ZBTB7C: variants seen among roughly 807,000 people sequenced by gnomAD.
The protein encoded by ZBTB7C is zinc finger and BTB domain-containing protein 7C.
A neutral mutation model predicts 25.7 loss-of-function variants in ZBTB7C; 8 were observed. The observed-to-expected ratio is 0.31, with a 90% CI of 0.18 to 0.56. ZBTB7C has a LOEUF of 0.56. ZBTB7C is among the 20% of genes least tolerant of loss of function. The pLI is 0.91. For missense variants in ZBTB7C, 824 were observed against 855.2 expected (o/e 0.96, Z 0.46); for synonymous variants, 394 against 369.0 (o/e 1.07, Z -0.78).
chr18:48,161,230 C>G (rs549003778), intron 3 of ZBTB7C, among the ~76,000 whole-genome samples: 1 of 151,090 alleles, frequency 6.6e-6, no homozygotes, highest in Non-Finnish European at 1.5e-5. Flanking sequence ...GCCTGGGGGA[C>G]GGGGGCAGGG....
intron 3 of ZBTB7C, among the ~76,000 whole-genome samples, chr18:48,118,171 A>G (rs1225827525): frequency 6.6e-6 from 1 of 151,720 alleles, no homozygotes; most frequent in Non-Finnish European, 1.5e-5. Context: ...ACGCTTGGCT[A>G]ATTTTTGTAT....
At chr18:48,358,295 T>C (rs1598946898) in intron 1 of ZBTB7C, among the ~76,000 whole-genome samples, 1 of 152,074 alleles carries the variant, frequency 6.6e-6, no homozygotes, top group Non-Finnish European at 1.5e-5. Context: ...GAGGTTGCAA[T>C]GGGCTGAGAT....
chr18:48,034,749 C>T (rs1175698137), intron 4 of ZBTB7C, among the ~76,000 whole-genome samples: 3 of 152,210 alleles, frequency 2.0e-5, no homozygotes, highest in Admixed American at 6.5e-5. Context: ...TCTGCCATCT[C>T]GTTCCATCTC....
chr18:48,053,045 C>T (rs1299065149), intron 3 of ZBTB7C, among the ~76,000 whole-genome samples: 1 of 152,170 alleles, frequency 6.6e-6, no homozygotes, highest in Non-Finnish European at 1.5e-5. Context: ...ACACGTTGGA[C>T]TTTCAGATGA....
At chr18:48,180,136 C>CTTCT (rs1391273622) in intron 3 of ZBTB7C, among the ~76,000 whole-genome samples, 1 of 136,848 alleles carries the variant, frequency 7.3e-6, no homozygotes, top group East Asian at 2.3e-4. Flanking sequence ...TCCTTCCTTC[C>CTTCT]TTCCTTCCTT....
At chr18:48,029,974 G>A in intron 4 of ZBTB7C, 63 bp from the exon 5 acceptor site, 1 of 1,598,106 alleles carries the variant, frequency 6.3e-7, no homozygotes, top group Non-Finnish European at 8.5e-7. Context: ...CTAACCTTTT[G>A]CTCCCCCTTT....
intron 3 of ZBTB7C, among the ~76,000 whole-genome samples, chr18:48,122,438 G>A (rs2039661866): frequency 1.3e-5 from 2 of 152,134 alleles, no homozygotes; most frequent in Admixed American, 1.3e-4. Context: ...GAGGGAGGTG[G>A]AGGGCAGAGA....
intron 4 of ZBTB7C, among the ~76,000 whole-genome samples, chr18:48,034,143 C>G (rs1434181731): frequency 6.6e-6 from 1 of 152,188 alleles, no homozygotes; most frequent in Non-Finnish European, 1.5e-5. Flanking sequence ...GAATGGAGGT[C>G]TGGCAGTTCC....
intron 1 of ZBTB7C, among the ~76,000 whole-genome samples, chr18:48,385,741 G>A (rs530702561): frequency 2.5e-4 from 38 of 152,128 alleles, no homozygotes; most frequent in Non-Finnish European, 4.4e-4. Context: ...GGAAACCCTC[G>A]ATATTTGCCG....
At chr18:48,185,174 G>C (rs1348449049) in intron 3 of ZBTB7C, 1 of 309,192 alleles carries the variant, frequency 3.2e-6, no homozygotes, top group Non-Finnish European at 6.3e-6. Context: ...CCTCCACATA[G>C]GCATCCACCC....
intron 3 of ZBTB7C, among the ~76,000 whole-genome samples, chr18:48,063,615 A>G (rs1568187699): frequency 1.3e-5 from 2 of 152,252 alleles, no homozygotes; most frequent in Admixed American, 1.3e-4. Flanking sequence ...AGGTGACAGT[A>G]TGTGTTATAG....
chr18:48,201,368 G>A lies in ZBTB7C; in HGVS notation c.-78-15373C>T, dbSNP rs187881801. Among the ~76,000 whole-genome samples the A allele has an allele frequency of 2.0e-5, 3 of 152,316 alleles. No individual in the cohort carries two copies. The East Asian group carries it at 5.8e-4, about 29-fold the overall frequency. On this transcript the variant is annotated intron_variant, in intron 2 of 4. Coordinates refer to ENST00000590800, the MANE Select transcript of ZBTB7C (RefSeq NM_001318841.2). ...AGGATGTAAATCCAGGGGACGGTAG[G>A]CCCCAGGAGGGGATTCTTTGTATCT...
chr18:48,237,238 C>T (rs745716676), intron 2 of ZBTB7C, among the ~76,000 whole-genome samples: 18 of 152,094 alleles, frequency 1.2e-4, no homozygotes, highest in Non-Finnish European at 2.5e-4. Context: ...CTCTACAATA[C>T]AGCACAGAGC....
chr18:48,295,833 G>A (rs374477503), intron 2 of ZBTB7C, among the ~76,000 whole-genome samples: 63 of 152,262 alleles, frequency 4.1e-4, no homozygotes, highest in African/African-American at 1.4e-3. Flanking sequence ...AGCAGGAGGG[G>A]GGCAGTCGCA....
chr18:48,408,980 A>G (rs2048345586), intron 1 of ZBTB7C, among the ~76,000 whole-genome samples: 1 of 144,584 alleles, frequency 6.9e-6, no homozygotes, highest in East Asian at 2.2e-4. Context: ...GGAGCCCCTG[A>G]ATAGCCACCG....
chr18:48,249,051 G>C (rs1169671183), intron 2 of ZBTB7C, among the ~76,000 whole-genome samples: 1 of 151,956 alleles, frequency 6.6e-6, no homozygotes, highest in Non-Finnish European at 1.5e-5. Context: ...AGTAAACAAA[G>C]GAATGTAAAT....
chr18:48,167,973 G>A (rs2041326553), intron 3 of ZBTB7C, among the ~76,000 whole-genome samples: 1 of 152,204 alleles, frequency 6.6e-6, no homozygotes, highest in Admixed American at 6.5e-5. Context: ...TTCAGAGTGT[G>A]GGGAAGAGAG....
At chr18:48,267,617 T>A (rs571163608) in intron 2 of ZBTB7C, among the ~76,000 whole-genome samples, 53 of 152,294 alleles carry the variant, frequency 3.5e-4, no homozygotes, top group African/African-American at 1.2e-3. Flanking sequence ...TCAATACGTG[T>A]CTCCATCAAA....
chr18:48,090,158 C>T (rs1375121725), intron 3 of ZBTB7C, among the ~76,000 whole-genome samples: 1 of 152,198 alleles, frequency 6.6e-6, no homozygotes, highest in Non-Finnish European at 1.5e-5. Context: ...TCCTGTGAGT[C>T]CCCGGATTTT....
Sources: gnomAD v4.1 joint callset for allele counts (sites outside exome capture counted in the v4.1 genomes callset) on GRCh38, gnomAD v4.1.1 for gene constraint, MANE v1.5 for transcripts, NCBI Gene and HGNC (gene_info 2026-07-23, HGNC 2026-07-21) for gene names.